The following STX8 variants were observed in gnomAD, a reference collection of about 807,000 sequenced individuals.
The protein encoded by STX8 is syntaxin 8, also known as syntaxin-8.
Under a neutral mutation model 37.5 loss-of-function variants are expected in STX8, and 23 were observed. The ratio of observed to expected loss-of-function variants is 0.61; its 90% confidence interval spans 0.44 to 0.87. The LOEUF is 0.87. STX8 is among the 40% of genes least tolerant of loss of function. The pLI is 0.00. For synonymous variants in STX8, 115 were observed against 99.1 expected (o/e 1.16, Z -0.95); for missense variants, 313 against 284.7 (o/e 1.10, Z -0.71).
chr17:9,332,019 TG>T (rs1909978098), intron 7 of STX8, among the ~76,000 whole-genome samples: 1 of 152,216 alleles, frequency 6.6e-6, no homozygotes, highest in Non-Finnish European at 1.5e-5. Context: ...ATTCCGAGTC[TG>T]GGATCTTCAA....
chr17:9,460,891 G>A (rs1648019155), intron 6 of STX8, among the ~76,000 whole-genome samples: 1 of 151,078 alleles, frequency 6.6e-6, no homozygotes, highest in Admixed American at 6.6e-5. Context: ...TGTTACATGG[G>A]AATAATAATA....
intron 7 of STX8, among the ~76,000 whole-genome samples, chr17:9,375,227 T>C (rs2142279336): frequency 6.6e-6 from 1 of 152,240 alleles, no homozygotes; most frequent in East Asian, 1.9e-4. Flanking sequence ...AAATGTATAG[T>C]TATTTTAAAA....
chr17:9,272,612 G>A (rs942997885), intron 7 of STX8, among the ~76,000 whole-genome samples: 2 of 152,248 alleles, frequency 1.3e-5, no homozygotes, highest in Non-Finnish European at 2.9e-5. Flanking sequence ...GCGCCAGCGA[G>A]CTAGTTTTAA....
At chr17:9,267,415 G>A (rs924869316) in intron 7 of STX8, among the ~76,000 whole-genome samples, 14 of 152,186 alleles carry the variant, frequency 9.2e-5, no homozygotes, top group African/African-American at 3.4e-4. Context: ...TCTTTGGATA[G>A]AAAGCGCTAT....
intron 6 of STX8, among the ~76,000 whole-genome samples, chr17:9,490,790 C>T (rs1192659707): frequency 6.6e-6 from 1 of 152,132 alleles, no homozygotes; most frequent in East Asian, 1.9e-4. Context: ...AGTTTAGCAG[C>T]AAAAGCAGTC....
chr17:9,558,700 G>A lies in STX8; in HGVS notation c.118-1172C>T, dbSNP rs530320700. ...TAGCTGGGCGCGGTGGCGGGCGCCT[G>A]TAGTCCCAGCTACGCGGGAGGCTGA... On this transcript the variant is annotated intron_variant, in intron 2 of 7. Transcript: ENST00000306357. Among the ~76,000 whole-genome samples the A allele has an allele frequency of 3.5e-3, 536 of 152,294 alleles. 3 individuals are homozygous for A. Among genetic ancestry groups the A allele is most frequent in the African/African-American group, 0.012 (516 of 41,588 alleles).
At chr17:9,353,027 G>A (rs1910762698) in intron 7 of STX8, among the ~76,000 whole-genome samples, 1 of 151,940 alleles carries the variant, frequency 6.6e-6, no homozygotes, top group Non-Finnish European at 1.5e-5. Context: ...TGGTAGCTGG[G>A]ACTACTGGCA....
At chr17:9,347,357 C>G (rs985568745) in intron 7 of STX8, among the ~76,000 whole-genome samples, 3 of 152,090 alleles carry the variant, frequency 2.0e-5, no homozygotes, top group Non-Finnish European at 4.4e-5. Context: ...AAAAGTAGTA[C>G]TTGTTTCTAA....
intron 7 of STX8, among the ~76,000 whole-genome samples, chr17:9,253,618 G>A (rs886815616): frequency 2.0e-5 from 3 of 152,090 alleles, no homozygotes; most frequent in Admixed American, 2.0e-4. Context: ...TGACAGGGAG[G>A]GGCTGGCAGC....
chr17:9,258,469 T>C (rs1220428558), intron 7 of STX8, among the ~76,000 whole-genome samples: 2 of 152,238 alleles, frequency 1.3e-5, no homozygotes, highest in Non-Finnish European at 2.9e-5. Flanking sequence ...AGGGGCTGTG[T>C]GTGCTCTGCT....
chr17:9,365,111 A>G (rs1333706586), intron 7 of STX8, among the ~76,000 whole-genome samples: 1 of 152,104 alleles, frequency 6.6e-6, no homozygotes, highest in Middle Eastern at 3.2e-3. Flanking sequence ...TAGATATGAG[A>G]AAGAGAGATC....
At chr17:9,488,114 G>T (rs984574748) in intron 6 of STX8, among the ~76,000 whole-genome samples, 12 of 152,058 alleles carry the variant, frequency 7.9e-5, no homozygotes, top group African/African-American at 2.9e-4. Flanking sequence ...ATCACCTGAG[G>T]TCAGGAGTTT....
intron 6 of STX8, among the ~76,000 whole-genome samples, chr17:9,489,811 C>T (rs1160409618): frequency 6.6e-6 from 1 of 151,788 alleles, no homozygotes; most frequent in Non-Finnish European, 1.5e-5. Context: ...GCCTCAGCCT[C>T]CCGCGTAGCT....
chr17:9,284,135 C>T (rs1907990956), intron 7 of STX8, among the ~76,000 whole-genome samples: 1 of 152,158 alleles, frequency 6.6e-6, no homozygotes, highest in Non-Finnish European at 1.5e-5. Flanking sequence ...GGTCAGTGAA[C>T]TGGGGATTCC....
intron 6 of STX8, among the ~76,000 whole-genome samples, chr17:9,379,515 G>T (rs984075524): frequency 3.9e-5 from 6 of 152,178 alleles, no homozygotes; most frequent in African/African-American, 1.4e-4. Flanking sequence ...AAGGTGAAAA[G>T]AAATTGAAAG....
At chr17:9,570,948 C>A (rs1448810876) in intron 1 of STX8, among the ~76,000 whole-genome samples, 1 of 151,926 alleles carries the variant, frequency 6.6e-6, no homozygotes, top group Non-Finnish European at 1.5e-5. Context: ...AAAGACAGGG[C>A]GAGCAAAGAT....
chr17:9,400,743 CTA>C (rs1912585004), intron 6 of STX8, among the ~76,000 whole-genome samples: 1 of 152,142 alleles, frequency 6.6e-6, no homozygotes, highest in South Asian at 2.1e-4. Flanking sequence ...TAAAGTAAAA[CTA>C]TGTTATTTCA....
intron 6 of STX8, among the ~76,000 whole-genome samples, chr17:9,391,911 T>C (rs1364843158): frequency 1.3e-5 from 2 of 152,142 alleles, no homozygotes; most frequent in South Asian, 2.1e-4. Flanking sequence ...TCCTGGATTC[T>C]CCTTTGAGAA....
chr17:9,320,232 C>T (rs1909530875), intron 7 of STX8, among the ~76,000 whole-genome samples: 1 of 150,910 alleles, frequency 6.6e-6, no homozygotes, highest in Non-Finnish European at 1.5e-5. Context: ...ACTGGGGAGG[C>T]TGAGGCAGGA....
Sources: gnomAD v4.1 joint callset for allele counts (sites outside exome capture counted in the v4.1 genomes callset) on GRCh38, gnomAD v4.1.1 for gene constraint, MANE v1.5 for transcripts, NCBI Gene and HGNC (gene_info 2026-07-23, HGNC 2026-07-21) for gene names.